SLC22A25: variants seen among roughly 807,000 people sequenced by gnomAD.
SLC22A25 encodes MGI:2442751, MGI:2385316, MGI:3042283, MGI:3645714, MGI:3605624, MGI:2442750.
In SLC22A25, 44 loss-of-function variants were observed where a neutral mutation model predicts 45.9. The observed-to-expected ratio is 0.96, with a 90% CI of 0.75 to 1.23. The LOEUF (loss-of-function observed/expected upper bound fraction) is 1.23, where lower values mean the gene tolerates loss of function less well. Among genes scored for constraint, SLC22A25 ranks in the 50% most tolerant of loss-of-function variants. SLC22A25 has a pLI of 0.00. For synonymous variants in SLC22A25, 283 were observed against 238.6 expected, an observed-to-expected ratio of 1.19 and a Z score of -1.72; for missense variants, 800 against 666.4, an observed-to-expected ratio of 1.20 and a Z score of -2.21.
At chr11:63,232,844 GTGT>G (rs1465262836) in intron 3 of SLC22A25, among the ~76,000 whole-genome samples, 1 of 152,162 alleles carries the variant, frequency 6.6e-6, no homozygotes, top group African/African-American at 2.4e-5. Flanking sequence ...TTAGCATGAA[GTGT>G]TGTTGCATTT....
At chr11:63,207,074 C>T (rs1230829657) in intron 7 of SLC22A25, among the ~76,000 whole-genome samples, 2 of 152,060 alleles carry the variant, frequency 1.3e-5, no homozygotes, top group African/African-American at 4.8e-5. Flanking sequence ...AACTGGCTAG[C>T]CATATACAGA....
At chr11:63,226,134 G>C (rs1244250127) in intron 5 of SLC22A25, among the ~76,000 whole-genome samples, 1 of 151,746 alleles carries the variant, frequency 6.6e-6, no homozygotes, top group Non-Finnish European at 1.5e-5. Context: ...CTCCAATATT[G>C]GTCCCTGGTA....
intron 9 of SLC22A25, 99 bp downstream of exon 9, chr11:63,180,561 C>A: frequency 1.3e-6 from 1 of 788,222 alleles, no homozygotes; most frequent in Non-Finnish European, 2.0e-6. Context: ...ATCTTTTATC[C>A]CCCAAATATT....
chr11:63,177,902 G>GTATATATATAATATATATATATAATA (rs1215441714), intron 9 of SLC22A25, among the ~76,000 whole-genome samples: 6 of 125,288 alleles, frequency 4.8e-5, no homozygotes, highest in East Asian at 2.3e-4. Flanking sequence ...TATATATAAT[G>GTATATATATAATATATATATATAATA]TATATCCCAT....
chr11:63,168,864 G>A (rs113494933), intron 9 of SLC22A25, among the ~76,000 whole-genome samples: 3,558 of 152,148 alleles, frequency 0.023, 142 homozygotes, highest in African/African-American at 0.08. Context: ...ACACATGATT[G>A]TCAGAGTCTT....
At position 63,163,739 on chromosome 11, in the gene SLC22A25, C is replaced by A; in HGVS notation, c.*85G>T. On this transcript the variant is annotated 3_prime_UTR_variant, in exon 12 of 12. Transcript: ENST00000306494. The stretch of plus-strand genomic sequence containing the variant: ...GATGAGGATACACCAAAGGCAAAGG[C>A]ACTGACTACATGGGAATAGCCCAGA... The A allele has an allele frequency of 6.6e-7, 1 of 1,515,406 alleles. No individual in the cohort carries two copies. The highest frequency in any genetic ancestry group is 8.8e-7 in the Non-Finnish European group (1 of 1,132,272). 93.9% of individuals were successfully genotyped at this position (1,515,406 alleles called of 1,614,324 possible). A position where few individuals can be genotyped will look rare whatever the true frequency, so the allele number is the denominator to read the frequency against.
chr11:63,200,829 G>C (rs1468225818), intron 7 of SLC22A25, among the ~76,000 whole-genome samples: 3 of 152,138 alleles, frequency 2.0e-5, no homozygotes, highest in African/African-American at 7.2e-5. Context: ...CAAAATCAAT[G>C]TGCAAAAATC....
chr11:63,237,248 G>A (rs2090180484), intron 3 of SLC22A25, among the ~76,000 whole-genome samples: 1 of 152,152 alleles, frequency 6.6e-6, no homozygotes, highest in Non-Finnish European at 1.5e-5. Flanking sequence ...TGGGTACTGT[G>A]CTCACTGCCT....
chr11:63,202,069 G>T (rs1185304228), intron 7 of SLC22A25, among the ~76,000 whole-genome samples: 1 of 152,086 alleles, frequency 6.6e-6, no homozygotes, highest in African/African-American at 2.4e-5. Context: ...CCTAGCCAAG[G>T]GAAGCCATGA....
At chr11:63,181,096 C>T (rs1308559441) in intron 8 of SLC22A25, among the ~76,000 whole-genome samples, 1 of 151,976 alleles carries the variant, frequency 6.6e-6, no homozygotes, top group African/African-American at 2.4e-5. Flanking sequence ...GATTAAACTC[C>T]AAAGCTCCAT....
At chr11:63,228,833 T>C (rs1371744174) in intron 4 of SLC22A25, among the ~76,000 whole-genome samples, 2 of 152,196 alleles carry the variant, frequency 1.3e-5, no homozygotes, top group Non-Finnish European at 2.9e-5. Flanking sequence ...TTTGAGAACC[T>C]TTAAATATTT....
intron 5 of SLC22A25, among the ~76,000 whole-genome samples, chr11:63,222,722 A>AT (rs2089879205): frequency 6.6e-6 from 1 of 151,450 alleles, no homozygotes; most frequent in Non-Finnish European, 1.5e-5. Context: ...AAGGCTTTCA[A>AT]TTTTTTCCCC....
chr11:63,242,560 A>G (rs527412687), intron 1 of SLC22A25, among the ~76,000 whole-genome samples: 2 of 152,302 alleles, frequency 1.3e-5, no homozygotes, highest in South Asian at 4.1e-4. Context: ...ACTTCAGCCT[A>G]GTTAAAACTT....
At chr11:63,238,279 A>G (rs55682935) in intron 2 of SLC22A25, among the ~76,000 whole-genome samples, 2,703 of 152,292 alleles carry the variant, frequency 0.018, 46 homozygotes, top group Non-Finnish European at 0.023. Context: ...AAATTTTGCC[A>G]TAGAGTGCAA....
intron 9 of SLC22A25, among the ~76,000 whole-genome samples, chr11:63,179,972 G>A (rs1364597555): frequency 6.6e-6 from 1 of 152,110 alleles, no homozygotes; most frequent in Admixed American, 6.6e-5. Context: ...TCCCTGTGAG[G>A]GAAAAGTCAT....
intron 7 of SLC22A25, among the ~76,000 whole-genome samples, chr11:63,194,889 G>GAAAAAAAAAA (rs1565091135): frequency 7.0e-5 from 1 of 14,288 alleles, no homozygotes; most frequent in Non-Finnish European, 1.4e-4. Context: ...CAAATGGAAA[G>GAAAAAAAAAA]CAAAAAAAAA....
intron 7 of SLC22A25, among the ~76,000 whole-genome samples, chr11:63,209,655 G>C (rs912705796): frequency 3.9e-5 from 6 of 152,130 alleles, no homozygotes; most frequent in Non-Finnish European, 7.4e-5. Flanking sequence ...GACACAAGGT[G>C]GCTCTAGGGT....
rs765136816 is a variant in SLC22A25 at position 63,228,572 on chromosome 11, A to G, written c.403-8T>C. The G allele has an allele frequency of 1.9e-6, 3 of 1,602,600 alleles. No homozygotes were observed. In the African/African-American group the frequency reaches 4.0e-5, roughly 22 times the overall value. On this transcript the variant is annotated splice_polypyrimidine_tract_variant and splice_region_variant and intron_variant, in intron 4 of 11. Transcript: ENST00000306494. Reference sequence around the variant, plus strand: ...TTCGCATACCAGATCCCACTGGAAGAAAAGGAAACCCTCATATCAATGCTT... The same window carrying G: ...TTCGCATACCAGATCCCACTGGAAGGAAAGGAAACCCTCATATCAATGCTT...
intron 9 of SLC22A25, among the ~76,000 whole-genome samples, chr11:63,177,561 C>T (rs1485871829): frequency 2.0e-5 from 3 of 151,648 alleles, no homozygotes; most frequent in East Asian, 1.9e-4. Context: ...ACCCTTTCCC[C>T]AGTACCCTTC....
Sources: allele counts gnomAD v4.1 joint callset (sites outside exome capture counted in the v4.1 genomes callset), GRCh38; gene constraint gnomAD v4.1.1; transcripts MANE v1.5; gene names NCBI Gene and HGNC (gene_info 2026-07-23, HGNC 2026-07-21).